Variants in ACTR3C observed in about 807,000 individuals in gnomAD.
ACTR3C encodes actin-related protein 3C.
A neutral mutation model predicts 26.3 loss-of-function variants in ACTR3C; 18 were observed. That is an observed-to-expected ratio of 0.68 (90% CI 0.47 to 1.01). The LOEUF (loss-of-function observed/expected upper bound fraction) is 1.01. Among genes scored for constraint, ACTR3C ranks in the 50% least tolerant of loss-of-function variants. ACTR3C has a pLI of 0.00. For synonymous variants in ACTR3C, 55 were observed against 94.5 expected (o/e 0.58, Z 2.42); for missense variants, 184 against 250.7 (o/e 0.73, Z 1.80).
intron 1 of ACTR3C, among the ~76,000 whole-genome samples, chr7:150,304,054 A>AAG (rs1451276258): frequency 6.6e-6 from 1 of 152,374 alleles, no homozygotes; most frequent in African/African-American, 2.4e-5. Flanking sequence ...AACTACAGTA[A>AAG]AGAAACATTT....
At chr7:149,976,720 A>T in the ACTR3C span, among the ~76,000 whole-genome samples, 1 of 152,044 alleles carries the variant, frequency 6.6e-6, no homozygotes, top group East Asian at 1.9e-4. Flanking sequence ...TGGAGACCAC[A>T]GGTAATGTGT....
At chr7:150,070,318 C>T in the ACTR3C span, among the ~76,000 whole-genome samples, 122 of 152,260 alleles carry the variant, frequency 8.0e-4, 1 homozygote, top group East Asian at 4.6e-3. Context: ...CCTCTGGGGC[C>T]TTCCACGGCA....
the ACTR3C span, among the ~76,000 whole-genome samples, chr7:150,237,662 A>G: frequency 3.3e-5 from 5 of 152,250 alleles, no homozygotes; most frequent in South Asian, 6.2e-4. Context: ...CCACGGCAGC[A>G]TTTGCGTGCA....
chr7:150,035,543 C>G, the ACTR3C span, among the ~76,000 whole-genome samples: 94 of 116,456 alleles, frequency 8.1e-4, no homozygotes, highest in African/African-American at 1.3e-3. Context: ...CCTCCCCCTC[C>G]TGCGATGGGG....
chr7:150,202,240 T>C, the ACTR3C span, among the ~76,000 whole-genome samples: 6 of 152,220 alleles, frequency 3.9e-5, no homozygotes, highest in African/African-American at 1.2e-4. Context: ...ATGGATGGTG[T>C]ACCTTAAAGA....
chr7:149,943,805 A>C, the ACTR3C span, among the ~76,000 whole-genome samples: 1 of 146,920 alleles, frequency 6.8e-6, no homozygotes, highest in Non-Finnish European at 1.5e-5. Flanking sequence ...GTAAAAGTTC[A>C]CTTGATCCAG....
chr7:149,918,037 TTGGCTTG>T, the ACTR3C span, among the ~76,000 whole-genome samples: 2 of 152,222 alleles, frequency 1.3e-5, no homozygotes, highest in East Asian at 3.8e-4. Context: ...TTAATGTTCC[TTGGCTTG>T]CTGCATAGAA....
At chr7:149,956,586 G>A in the ACTR3C span, among the ~76,000 whole-genome samples, 4 of 152,086 alleles carry the variant, frequency 2.6e-5, no homozygotes, top group Non-Finnish European at 5.9e-5. Flanking sequence ...AATTATTTGG[G>A]GACATTTGCT....
the ACTR3C span, among the ~76,000 whole-genome samples, chr7:150,198,613 G>A: frequency 2.0e-5 from 3 of 147,546 alleles, no homozygotes; most frequent in East Asian, 2.0e-4. Context: ...CCCGGCAGCC[G>A]CCCCGTCTGA....
chr7:150,114,037 C>T, the ACTR3C span, among the ~76,000 whole-genome samples: 8 of 152,138 alleles, frequency 5.3e-5, no homozygotes, highest in Non-Finnish European at 1.2e-4. Flanking sequence ...TGGTTTTCCT[C>T]ATAAGAAGTC....
At chr7:150,211,924 A>G in the ACTR3C span, among the ~76,000 whole-genome samples, 1 of 146,774 alleles carries the variant, frequency 6.8e-6, no homozygotes, top group African/African-American at 2.7e-5. Context: ...TGCTGTGCGC[A>G]CATTTTGTCA....
chr7:150,085,184 G>T, the ACTR3C span, among the ~76,000 whole-genome samples: 2 of 152,104 alleles, frequency 1.3e-5, no homozygotes, highest in Admixed American at 1.3e-4. Flanking sequence ...GGTCAGATGG[G>T]CACTTTGAAA....
At chr7:150,137,750 T>A in the ACTR3C span, among the ~76,000 whole-genome samples, 5,587 of 152,124 alleles carry the variant, frequency 0.037, 234 homozygotes, top group African/African-American at 0.11. Flanking sequence ...TGGAATTGGG[T>A]CTTGAAGGAT....
the ACTR3C span, among the ~76,000 whole-genome samples, chr7:150,099,360 G>C: frequency 6.7e-6 from 1 of 149,770 alleles, no homozygotes; most frequent in African/African-American, 2.5e-5. Flanking sequence ...ATGGGCTATT[G>C]ATTAGGGCAT....
At chr7:150,070,056 G>A in the ACTR3C span, among the ~76,000 whole-genome samples, 5 of 152,222 alleles carry the variant, frequency 3.3e-5, no homozygotes, top group Non-Finnish European at 2.9e-5. Flanking sequence ...TCACGTGGAA[G>A]GCAAGCAAAG....
chr7:150,199,738 A>AAAC, the ACTR3C span, among the ~76,000 whole-genome samples: 512 of 141,682 alleles, frequency 3.6e-3, 19 homozygotes, highest in African/African-American at 0.013. Context: ...AAAAAAAAAA[A>AAAC]AAAAAAAAAC....
chr7:150,018,393 C>G, the ACTR3C span, among the ~76,000 whole-genome samples: 1 of 149,044 alleles, frequency 6.7e-6, no homozygotes, highest in African/African-American at 2.5e-5. Context: ...TTTGAGATAC[C>G]CTCAATGTTT....
the ACTR3C span, among the ~76,000 whole-genome samples, chr7:150,169,783 G>T: frequency 6.6e-6 from 1 of 150,768 alleles, no homozygotes; most frequent in Admixed American, 6.6e-5. Context: ...TTTTAGTCCA[G>T]TCTGAGTCAG....
At chr7:149,920,093 C>G in the ACTR3C span, among the ~76,000 whole-genome samples, 2 of 152,194 alleles carry the variant, frequency 1.3e-5, no homozygotes, top group African/African-American at 4.8e-5. Flanking sequence ...ATTATTGAAG[C>G]TGGTATCTTT....
Sources: allele counts gnomAD v4.1 joint callset (sites outside exome capture counted in the v4.1 genomes callset), GRCh38; gene constraint gnomAD v4.1.1; transcripts MANE v1.5; gene names NCBI Gene and HGNC (gene_info 2026-07-23, HGNC 2026-07-21).